The following BAZ1A variants were observed in gnomAD, a reference collection of about 807,000 sequenced individuals.
BAZ1A encodes bromodomain adjacent to zinc finger domain protein 1A.
A neutral mutation model predicts 185.2 loss-of-function variants in BAZ1A; 50 were observed. The observed-to-expected ratio is 0.27, with a 90% CI of 0.22 to 0.34. BAZ1A has a LOEUF of 0.34. BAZ1A is among the 10% of genes least tolerant of loss of function. The pLI is 1.00. For synonymous variants in BAZ1A, 571 were observed against 615.6 expected (o/e 0.93, Z 1.07); for missense variants, 1,356 against 1,839.9 (o/e 0.74, Z 4.81).
Position 34,786,209 on chromosome 14 carries a change from G to GC in BAZ1A, c.1522dup (p.Ala508GlyfsTer4), listed in dbSNP as rs1880427988. 6.2e-7 allele frequency: 1 copy of GC among 1,610,928 alleles called. No homozygotes were observed. The highest frequency in any genetic ancestry group is 8.5e-7 in the Non-Finnish European group (1 of 1,179,172). On this transcript the variant is annotated frameshift_variant, in exon 13 of 27. Transcript: ENST00000360310. LOFTEE classifies it high-confidence loss of function. ...TGTGGGGTCTGCATCTTCATCCAAA[G>GC]CCTCTGTTAAATCTTTAAGGAAATA...
intron 3 of BAZ1A, among the ~76,000 whole-genome samples, chr14:34,854,845 T>C (rs775066650): frequency 4.6e-5 from 7 of 152,040 alleles, no homozygotes; most frequent in Non-Finnish European, 1.0e-4. Context: ...TTTGGGAGGC[T>C]GAGGTTGGCG....
intron 2 of BAZ1A, among the ~76,000 whole-genome samples, chr14:34,873,801 G>A (rs2042992888): frequency 6.6e-6 from 1 of 152,050 alleles, no homozygotes; most frequent in Admixed American, 6.5e-5. Context: ...AGAAGAGGCG[G>A]TGACAGAGAG....
At chr14:34,835,016 C>G (rs955527072) in intron 3 of BAZ1A, among the ~76,000 whole-genome samples, 1 of 150,196 alleles carries the variant, frequency 6.7e-6, no homozygotes, top group African/African-American at 2.5e-5. Flanking sequence ...CAATCAACTC[C>G]ATAAGTTATA....
intron 24 of BAZ1A, among the ~76,000 whole-genome samples, chr14:34,759,818 G>A (rs897223320): frequency 6.6e-6 from 1 of 152,070 alleles, no homozygotes; most frequent in East Asian, 1.9e-4. Flanking sequence ...GGGATTAAAG[G>A]TGCCTGCTAC....
At chr14:34,867,744 C>T (rs1189810773) in intron 2 of BAZ1A, among the ~76,000 whole-genome samples, 1 of 152,152 alleles carries the variant, frequency 6.6e-6, no homozygotes, top group Non-Finnish European at 1.5e-5. Flanking sequence ...GAGAAAAGTC[C>T]AAGGGTCATC....
intron 11 of BAZ1A, among the ~76,000 whole-genome samples, chr14:34,793,908 C>T (rs1213653843): frequency 1.3e-5 from 2 of 151,676 alleles, no homozygotes; most frequent in South Asian, 2.1e-4. Context: ...CGCCACTGCA[C>T]TCCAGCCTGG....
At chr14:34,867,787 C>T (rs2042884699) in intron 2 of BAZ1A, among the ~76,000 whole-genome samples, 1 of 152,206 alleles carries the variant, frequency 6.6e-6, no homozygotes, top group South Asian at 2.1e-4. Context: ...AACAGCACAG[C>T]ACCATCTCTA....
intron 12 of BAZ1A, among the ~76,000 whole-genome samples, chr14:34,787,356 A>AG (rs1880536453): frequency 7.4e-6 from 1 of 135,468 alleles, no homozygotes; most frequent in Non-Finnish European, 1.6e-5. Flanking sequence ...TGTCTCAAAA[A>AG]AAAAAAAAAA....
In BAZ1A at chr14:34,837,518, C is replaced by T. The variant is rs545658702; in HGVS notation, c.393-11362G>A. ...TCTCTCCAAGTGCTGGGATTATAGG[C>T]ATGAGCCACTGAGCCCAGCCACAAA... On this transcript the variant is annotated intron_variant, in intron 3 of 26. Transcript: ENST00000360310. Among the ~76,000 whole-genome samples, 261 of 152,052 alleles carry T rather than the reference C, an allele frequency of 1.7e-3. 1 individual carries two copies. Among genetic ancestry groups the T allele is most frequent in the Non-Finnish European group, 1.7e-3 (117 of 67,988 alleles).
At chr14:34,807,591 AC>A in intron 5 of BAZ1A, 53 bp from the exon 6 acceptor site, 1 of 1,284,544 alleles carries the variant, frequency 7.8e-7, no homozygotes, top group Non-Finnish European at 1.1e-6. Flanking sequence ...AAAGAGTTCA[AC>A]CCCAACTCCA....
chr14:34,835,937 T>C (rs2042322787), intron 3 of BAZ1A, among the ~76,000 whole-genome samples: 1 of 151,734 alleles, frequency 6.6e-6, no homozygotes, highest in Non-Finnish European at 1.5e-5. Context: ...TCCCAAAGTG[T>C]TGGATTACAG....
intron 3 of BAZ1A, among the ~76,000 whole-genome samples, chr14:34,839,211 G>A (rs1048661569): frequency 2.0e-5 from 3 of 152,110 alleles, no homozygotes; most frequent in South Asian, 2.1e-4. Flanking sequence ...TCATAGAAAC[G>A]CTGTGTGTCC....
intron 18 of BAZ1A, 126 bp from the exon 19 acceptor site, chr14:34,774,616 T>C: frequency 1.7e-6 from 1 of 597,078 alleles, no homozygotes; most frequent in East Asian, 3.2e-5. Context: ...GTGCCACAAA[T>C]GAATGAATGA....
At chr14:34,773,399 A>C (rs1259784649) in intron 20 of BAZ1A, among the ~76,000 whole-genome samples, 173 bp downstream of exon 20, 2 of 151,970 alleles carry the variant, frequency 1.3e-5, no homozygotes, top group African/African-American at 4.8e-5. Flanking sequence ...GTGGAGTAAC[A>C]GAGATCCTGA....
In BAZ1A at chr14:34,801,075, A is replaced by G; in HGVS notation, c.961+19T>C. ...TTTCTTATTCCTAATTAGCTTTTGG[A>G]AACAATGTTAAAACTCACCCAGTGA... On this transcript the variant is annotated intron_variant, in intron 8 of 26. Transcript: ENST00000360310. The G allele has an allele frequency of 6.5e-7, 1 of 1,527,620 alleles. No individual in the cohort carries two copies. The highest frequency in any genetic ancestry group is 1.2e-5 in the South Asian group (1 of 81,882). 94.6% of individuals were successfully genotyped at this position (1,527,620 alleles called of 1,614,324 possible).
rs114302259 is a variant in BAZ1A, at chr14:34,859,675, T to C, written c.392+2369A>G. Among the ~76,000 whole-genome samples the C allele has an allele frequency of 5.5e-3, 843 of 152,312 alleles. 8 individuals carry two copies. Among genetic ancestry groups the C allele is most frequent in the African/African-American group, 0.02 (813 of 41,564 alleles). On this transcript the variant is annotated intron_variant, in intron 3 of 26. Transcript: ENST00000360310. ...TATAATTCATCATCCCCAATTAATC[T>C]TTTTCATATGCCACCTCTTAGTATT...
At chr14:34,769,109 A>G (rs1356819531) in intron 21 of BAZ1A, among the ~76,000 whole-genome samples, 1 of 152,160 alleles carries the variant, frequency 6.6e-6, no homozygotes, top group African/African-American at 2.4e-5. Context: ...ATCCTGAAAT[A>G]TTATCAGGTG....
At chr14:34,872,376 C>G (rs951527861) in intron 2 of BAZ1A, among the ~76,000 whole-genome samples, 3 of 152,150 alleles carry the variant, frequency 2.0e-5, no homozygotes, top group African/African-American at 7.2e-5. Flanking sequence ...GCAGGCAGAT[C>G]ACTTGAACTC....
At chr14:34,858,063 C>T (rs926522502) in intron 3 of BAZ1A, among the ~76,000 whole-genome samples, 10 of 152,038 alleles carry the variant, frequency 6.6e-5, no homozygotes, top group Admixed American at 5.3e-4. Context: ...ACAAAAATTC[C>T]TGAGCTCATG....
Sources: allele counts gnomAD v4.1 joint callset (sites outside exome capture counted in the v4.1 genomes callset), GRCh38; gene constraint gnomAD v4.1.1; transcripts MANE v1.5; gene names NCBI Gene and HGNC (gene_info 2026-07-23, HGNC 2026-07-21).